NECAB2: variants seen among roughly 807,000 people sequenced by gnomAD.
NECAB2 encodes the protein N-terminal EF-hand calcium binding protein 2.
In NECAB2, 68 loss-of-function variants were observed where a neutral mutation model predicts 51.9. The observed-to-expected ratio is 1.31, with a 90% CI of 1.08 to 1.60. The LOEUF is 1.60. Ranked by LOEUF, NECAB2 falls within the 40% of genes most tolerant of loss-of-function variation. NECAB2 has a pLI of 0.00. For synonymous variants in NECAB2, 329 were observed against 203.5 expected (o/e 1.62, Z -5.25); for missense variants, 854 against 490.3 (o/e 1.74, Z -7.00).
At chr16:83,998,031 T>C (rs1051979695) in intron 9 of NECAB2, among the ~76,000 whole-genome samples, 174 bp from the exon 10 acceptor site, 1 of 152,208 alleles carries the variant, frequency 6.6e-6, no homozygotes, top group Non-Finnish European at 1.5e-5. Context: ...CTTGAGGTTC[T>C]AGTCCTTTCT....
At chr16:83,997,830 A>G (rs17723598) in intron 9 of NECAB2, among the ~76,000 whole-genome samples, 45,622 of 151,954 alleles carry the variant, frequency 0.3, 7,193 homozygotes, top group Admixed American at 0.35. Context: ...AAGGTTTGGC[A>G]TAGAGCAAAG....
intron 12 of NECAB2, 50 bp downstream of exon 12, chr16:84,001,966 G>C (rs1214887155): frequency 6.3e-7 from 1 of 1,582,012 alleles, no homozygotes; most frequent in Non-Finnish European, 8.6e-7. Context: ...TGGAGAGAAG[G>C]GCAAGAGCCT....
upstream of NECAB2, chr16:83,965,365 C>A: frequency 6.4e-7 from 1 of 1,572,236 alleles, no homozygotes; most frequent in Non-Finnish European, 8.6e-7. Flanking sequence ...CCCTGCCCTT[C>A]ATCCACCATG....
chr16:83,994,865 G>C (rs924014091), intron 8 of NECAB2, among the ~76,000 whole-genome samples, 177 bp downstream of exon 8: 3 of 152,162 alleles, frequency 2.0e-5, no homozygotes, highest in African/African-American at 7.2e-5. Context: ...AAACCCCGGG[G>C]GATGCTCGTG....
At chr16:83,968,122 C>T (rs1597188672), upstream of NECAB2, among the ~76,000 whole-genome samples, 1 of 151,382 alleles carries the variant, frequency 6.6e-6, no homozygotes, top group African/African-American at 2.4e-5. Context: ...GGGGCGTGCA[C>T]GCCCGCGGGA....
chr16:83,980,065 G>A (rs1437081873), intron 3 of NECAB2, among the ~76,000 whole-genome samples: 3 of 152,228 alleles, frequency 2.0e-5, no homozygotes, highest in Non-Finnish European at 2.9e-5. Context: ...GAAGCCTTCT[G>A]TCCAGATGTG....
intron 5 of NECAB2, among the ~76,000 whole-genome samples, chr16:83,989,541 T>C (rs2084595670): frequency 6.6e-6 from 1 of 152,160 alleles, no homozygotes; most frequent in South Asian, 2.1e-4. Flanking sequence ...AAATCCAAGG[T>C]GCCTGGGGCA....
chr16:83,997,751 C>A (rs887607060), intron 9 of NECAB2, among the ~76,000 whole-genome samples: 4 of 152,118 alleles, frequency 2.6e-5, no homozygotes, highest in African/African-American at 9.7e-5. Context: ...CCTTGGCCTC[C>A]TAAAGTGCTG....
chr16:83,980,571 C>T (rs548059584), intron 3 of NECAB2, among the ~76,000 whole-genome samples: 4 of 152,248 alleles, frequency 2.6e-5, no homozygotes, highest in Non-Finnish European at 4.4e-5. Context: ...GCTTGGCCCT[C>T]CCCTTGGTGT....
chr16:83,999,967 A>C (rs73248868), intron 10 of NECAB2, among the ~76,000 whole-genome samples: 8,357 of 152,078 alleles, frequency 0.055, 725 homozygotes, highest in African/African-American at 0.19. Flanking sequence ...GCTCACTGCA[A>C]CCTCTCACCA....
At chr16:83,980,498 C>T (rs1157520913) in intron 3 of NECAB2, among the ~76,000 whole-genome samples, 2 of 152,114 alleles carry the variant, frequency 1.3e-5, no homozygotes, top group Admixed American at 1.3e-4. Flanking sequence ...GAGAGCTTTG[C>T]TGACAGCCCG....
upstream of NECAB2, chr16:83,965,956 C>T: frequency 6.2e-7 from 1 of 1,609,560 alleles, no homozygotes; most frequent in Non-Finnish European, 8.5e-7. Flanking sequence ...AGGGGGGCGC[C>T]TTGGCTGTGG....
chr16:83,976,493 G>T (rs1015422070), intron 2 of NECAB2, among the ~76,000 whole-genome samples: 1 of 152,210 alleles, frequency 6.6e-6, no homozygotes, highest in African/African-American at 2.4e-5. Flanking sequence ...CTTCAGGCTT[G>T]CCGAAGACAC....
At chr16:83,998,144 G>A (rs2084745624) in intron 9 of NECAB2, 61 bp from the exon 10 acceptor site, 3 of 1,476,306 alleles carry the variant, frequency 2.0e-6, no homozygotes, top group African/African-American at 2.8e-5. Context: ...GGGGCCTGAT[G>A]GGGTGTTTAG....
intron 5 of NECAB2, among the ~76,000 whole-genome samples, chr16:83,989,433 G>A (rs1487707846): frequency 1.3e-5 from 2 of 152,130 alleles, no homozygotes; most frequent in African/African-American, 4.8e-5. Context: ...TTCCCATTGT[G>A]CAATTATTGC....
intron 10 of NECAB2, among the ~76,000 whole-genome samples, chr16:84,000,191 C>T (rs747514185): frequency 9.8e-5 from 15 of 152,312 alleles, no homozygotes; most frequent in Non-Finnish European, 2.2e-4. Flanking sequence ...CGTGAACCAT[C>T]ACATCCAGCC....
rs1392494377 is a variant in NECAB2 at position 84,002,377 on chromosome 16, C to CCAGCCCCT, written c.*32_*39dup. 1.2e-6 allele frequency: 2 copies of CCAGCCCCT among 1,609,502 alleles called. No homozygotes were observed. Among genetic ancestry groups the CCAGCCCCT allele is most frequent in the Non-Finnish European group, 1.7e-6 (2 of 1,177,454 alleles). On this transcript the variant is annotated 3_prime_UTR_variant, in exon 13 of 13. Coordinates refer to ENST00000305202, the MANE Select transcript of NECAB2 (RefSeq NM_019065.3). ...TCCCAGAGGCCCGTGGAGGAGCCCA[C>CCAGCCCCT]CAGCCCCTTCTTCTTGTGAAGGAAA...
chr16:84,002,009 T>C (rs937151401), intron 12 of NECAB2, 93 bp downstream of exon 12: 3 of 1,392,350 alleles, frequency 2.2e-6, no homozygotes, highest in African/African-American at 1.4e-5. Flanking sequence ...GGGACTTGCC[T>C]GCTTGCTGTG....
At chr16:83,980,142 T>C (rs1392068642) in intron 3 of NECAB2, among the ~76,000 whole-genome samples, 1 of 152,194 alleles carries the variant, frequency 6.6e-6, no homozygotes, top group Non-Finnish European at 1.5e-5. Flanking sequence ...CACCACCGTA[T>C]TGGGTCCCTT....
Sources: allele counts gnomAD v4.1 joint callset (sites outside exome capture counted in the v4.1 genomes callset), GRCh38; gene constraint gnomAD v4.1.1; transcripts MANE v1.5; gene names NCBI Gene and HGNC (gene_info 2026-07-23, HGNC 2026-07-21).